DNAAF1: variants seen among roughly 807,000 people sequenced by gnomAD.
DNAAF1 encodes dynein axonemal assembly factor 1.
In DNAAF1, 65 loss-of-function variants were observed where a neutral mutation model predicts 71.1. The observed-to-expected ratio is 0.91, with a 90% CI of 0.75 to 1.12. DNAAF1 has a LOEUF of 1.12. Ranked by LOEUF, DNAAF1 falls within the 50% of genes most tolerant of loss-of-function variation. The pLI is 0.00. For synonymous variants in DNAAF1, 414 were observed against 354.6 expected (o/e 1.17, Z -1.88); for missense variants, 1,178 against 899.8 (o/e 1.31, Z -3.96).
In DNAAF1 at chr16:84,159,596, A is replaced by T. The variant is rs1427016545; in HGVS notation, c.742-79A>T. On this transcript the variant is annotated intron_variant, in intron 5 of 11. Coordinates refer to ENST00000378553, the MANE Select transcript of DNAAF1 (RefSeq NM_178452.6). The stretch of plus-strand genomic sequence containing the variant: ...CTCAAAAAATAGATTTTGTTCATTT[A>T]TTCTTAGTGCACAGCACATATAAAA... The T allele has an allele frequency of 3.3e-6, 5 of 1,530,658 alleles. No individual in the cohort carries two copies. The African/African-American group carries it at 4.1e-5, about 13-fold the overall frequency. 94.8% of individuals were successfully genotyped at this position (1,530,658 alleles called of 1,614,324 possible).
intron 5 of DNAAF1, chr16:84,158,840 C>T (rs1391276582): frequency 6.0e-6 from 1 of 166,316 alleles, no homozygotes; most frequent in Non-Finnish European, 1.2e-5. Flanking sequence ...AGTGATTTTT[C>T]TGCCTCAGGC....
rs4150189 is a variant in DNAAF1, at chr16:84,177,581, G to A, written c.2066-148G>A. ...TGACCTCAGGTGATCTGTTTGCCTC[G>A]GCCTCCCAAAGTGCTGGGATTACAG... On this transcript the variant is annotated intron_variant, in intron 11 of 11. Transcript: ENST00000378553. The A allele has an allele frequency of 6.6e-4, 464 of 706,672 alleles. 1 individual carries two copies. The highest frequency in any genetic ancestry group is 6.0e-3 in the African/African-American group (345 of 57,288). 43.8% of individuals were successfully genotyped at this position (706,672 alleles called of 1,614,324 possible). A position where few individuals can be genotyped will look rare whatever the true frequency, so the allele number is the denominator to read the frequency against.
chr16:84,146,388 T>A (rs528646909), intron 1 of DNAAF1, among the ~76,000 whole-genome samples: 2 of 152,144 alleles, frequency 1.3e-5, no homozygotes, highest in South Asian at 2.1e-4. Flanking sequence ...CAGTGTGTGA[T>A]CCCCTCACCA....
intron 1 of DNAAF1, among the ~76,000 whole-genome samples, chr16:84,147,941 G>A (rs998349794): frequency 7.2e-5 from 11 of 152,096 alleles, no homozygotes; most frequent in East Asian, 1.9e-4. Context: ...GGTGACAGGC[G>A]CTGGTAATCC....
intron 5 of DNAAF1, among the ~76,000 whole-genome samples, chr16:84,157,012 C>T (rs1470825218): frequency 6.6e-6 from 1 of 151,836 alleles, no homozygotes; most frequent in African/African-American, 2.4e-5. Context: ...ACCACCACGT[C>T]CAGCTAATTT....
intron 2 of DNAAF1, 105 bp downstream of exon 2, chr16:84,149,247 G>A: frequency 1.4e-6 from 2 of 1,436,866 alleles, no homozygotes; most frequent in Non-Finnish European, 1.9e-6. Flanking sequence ...AGATTGAATT[G>A]CCTGCCCAAT....
At position 84,174,674 on chromosome 16, in the gene DNAAF1, A is replaced by G. The variant is rs761366675; in HGVS notation, c.1650A>G (p.Leu550=). The change falls in exon 10 of 12, where the codon CTA becomes CTG. Residue 550 remains leucine, a synonymous_variant. Transcript: ENST00000378553. ...ETKETFCIDD[L]PDLEDDDETG... is the part of the protein sequence containing the mutation. ...CGGCTCACTTGCTCTTTCAGGACCT[A>G]CCTGACTTGGAAGATGATGATGAAA... The G allele has an allele frequency of 2.5e-6, 4 of 1,614,108 alleles. No homozygotes were observed. Among genetic ancestry groups the G allele is most frequent in the Non-Finnish European group, 3.4e-6 (4 of 1,180,012 alleles).
intron 5 of DNAAF1, among the ~76,000 whole-genome samples, chr16:84,159,430 C>G (rs76261855): frequency 1.3e-5 from 2 of 152,098 alleles, no homozygotes; most frequent in Non-Finnish European, 2.9e-5. Flanking sequence ...TCTGGAGGGA[C>G]GATGAGATCT....
chr16:84,171,201 C>G (rs954358015), intron 8 of DNAAF1, among the ~76,000 whole-genome samples: 1 of 151,992 alleles, frequency 6.6e-6, no homozygotes. Context: ...TGTGGGAGGC[C>G]GAGGCAGGCA....
chr16:84,169,580 C>T (rs963330235), intron 7 of DNAAF1, among the ~76,000 whole-genome samples: 5 of 151,856 alleles, frequency 3.3e-5, no homozygotes, highest in Admixed American at 1.3e-4. Flanking sequence ...CCACCACATC[C>T]GAGTAATTTT....
chr16:84,171,663 G>A (rs1258263894), intron 8 of DNAAF1, among the ~76,000 whole-genome samples: 2 of 152,146 alleles, frequency 1.3e-5, no homozygotes, highest in African/African-American at 4.8e-5. Context: ...AGTCGCCCCT[G>A]CTGGCATCCC....
chr16:84,165,301 C>A (rs1307608543), intron 6 of DNAAF1, among the ~76,000 whole-genome samples: 2 of 151,976 alleles, frequency 1.3e-5, no homozygotes, highest in African/African-American at 4.8e-5. Flanking sequence ...GTACAAGACC[C>A]TTATCAAATA....
chr16:84,170,482 A>C (rs2088272992), intron 8 of DNAAF1, 126 bp downstream of exon 8: 1 of 1,435,644 alleles, frequency 7.0e-7, no homozygotes, highest in East Asian at 2.4e-5. Context: ...TCTAGAAGAT[A>C]ATGGACACTA....
At chr16:84,149,690 CAAAAA>C (rs11335691) in intron 2 of DNAAF1, among the ~76,000 whole-genome samples, 1 of 94,370 alleles carries the variant, frequency 1.1e-5, no homozygotes. Flanking sequence ...GACTCCATCT[CAAAAA>C]AAAAAAAAAA....
rs1250948643 is a variant in DNAAF1, at chr16:84,174,904, G to A, written c.1698+182G>A. 4.0e-6 allele frequency: 3 copies of A among 750,988 alleles called. No individual in the cohort carries two copies. The South Asian group carries it at 4.8e-5, about 12-fold the overall frequency. The allele number at this position is 750,988 out of a possible 1,614,324, so 46.5% of individuals were successfully genotyped here. The stretch of plus-strand genomic sequence containing the variant: ...AGAGTCTGGCTCTGTCACCCAGGCT[G>A]CAGTGCAATAGTGTGTTCTTGGCTC... On this transcript the variant is annotated intron_variant, in intron 10 of 11. Coordinates refer to ENST00000378553, the MANE Select transcript of DNAAF1 (RefSeq NM_178452.6).
intron 1 of DNAAF1, among the ~76,000 whole-genome samples, chr16:84,145,863 G>A (rs1028593502): frequency 6.6e-6 from 1 of 152,164 alleles, no homozygotes; most frequent in East Asian, 1.9e-4. Flanking sequence ...GGAGGCCGAG[G>A]CGGGCGGATC....
intron 6 of DNAAF1, chr16:84,162,066 C>G (rs1247340857): frequency 1.3e-5 from 2 of 152,152 alleles, no homozygotes. Context: ...GGTAAATGGA[C>G]TGGAACATGG....
chr16:84,176,040 T>C lies in DNAAF1; in HGVS notation c.1806T>C (p.Thr602=), dbSNP rs145760481. The C allele has an allele frequency of 1.8e-5, 29 of 1,613,980 alleles. No individual in the cohort carries two copies. Among genetic ancestry groups the C allele is most frequent in the African/African-American group, 1.3e-5 (1 of 74,892 alleles). The part of the protein sequence containing the change: ...LPVLENLPTD[T]LSNIFAVSKD... ...TGCTGGAAAACCTCCCCACAGACAC[T>C]CTGTCAAATATATTTGCAGTCTCTA... Residue 602 remains threonine (T), a synonymous_variant, in exon 11 of 12, where the codon ACT becomes ACC. Coordinates refer to ENST00000378553, the MANE Select transcript of DNAAF1 (RefSeq NM_178452.6).
At chr16:84,155,515 C>T (rs2087384597) in intron 4 of DNAAF1, 68 bp from the exon 5 acceptor site, 4 of 1,550,074 alleles carry the variant, frequency 2.6e-6, no homozygotes, top group South Asian at 1.1e-5. Context: ...CAGGTATGAA[C>T]CACTGTGCCT....
Sources: allele counts gnomAD v4.1 joint callset (sites outside exome capture counted in the v4.1 genomes callset), GRCh38; gene constraint gnomAD v4.1.1; transcripts MANE v1.5; gene names NCBI Gene and HGNC (gene_info 2026-07-23, HGNC 2026-07-21).